Variants in GPC5 observed in about 807,000 individuals in gnomAD.
The protein encoded by GPC5 is glypican-5.
GPC5 carries 47 observed loss-of-function variants against 53.9 expected under a neutral mutation model. The observed-to-expected ratio is 0.87, with a 90% CI of 0.69 to 1.11. The LOEUF (loss-of-function observed/expected upper bound fraction) is 1.11. GPC5 is among the 50% of genes most tolerant of loss of function. The pLI is 0.00. For synonymous variants in GPC5, 286 were observed against 263.3 expected, an observed-to-expected ratio of 1.09 and a Z score of -0.84; for missense variants, 748 against 713.1, an observed-to-expected ratio of 1.05 and a Z score of -0.56.
intron 6 of GPC5, among the ~76,000 whole-genome samples, chr13:91,999,360 ACCATAATTCCATTGTC>A (rs2040534504): frequency 6.6e-6 from 1 of 152,160 alleles, no homozygotes; most frequent in African/African-American, 2.4e-5. Flanking sequence ...AAAGATGATG[ACCATAATTCCATTGTC>A]AACTTCAACC....
chr13:92,069,016 C>T (rs2041188969), intron 6 of GPC5, among the ~76,000 whole-genome samples: 1 of 151,870 alleles, frequency 6.6e-6, no homozygotes, highest in Non-Finnish European at 1.5e-5. Flanking sequence ...CTAGATCTTA[C>T]ATTTAGGTTT....
intron 6 of GPC5, among the ~76,000 whole-genome samples, chr13:91,977,988 GA>G (rs10709344): frequency 0.12 from 17,821 of 144,156 alleles, 1,402 homozygotes; most frequent in African/African-American, 0.23. Context: ...AGAAAGAAAA[GA>G]AAAAAAAAAT....
chr13:91,942,300 A>T (rs938139953), intron 6 of GPC5, among the ~76,000 whole-genome samples: 1 of 152,078 alleles, frequency 6.6e-6, no homozygotes, highest in Non-Finnish European at 1.5e-5. Flanking sequence ...TAATAGACTT[A>T]ATTCATATAT....
chr13:91,834,625 A>ACC (rs1478468954), intron 5 of GPC5, among the ~76,000 whole-genome samples: 4 of 151,998 alleles, frequency 2.6e-5, no homozygotes, highest in Non-Finnish European at 5.9e-5. Flanking sequence ...TGACAAAACT[A>ACC]ACAAAAACAA....
chr13:92,397,997 T>C (rs1875363863), intron 7 of GPC5, among the ~76,000 whole-genome samples: 1 of 152,028 alleles, frequency 6.6e-6, no homozygotes, highest in African/African-American at 2.4e-5. Flanking sequence ...CAGGGCAGAG[T>C]GAGGATCTGA....
intron 7 of GPC5, among the ~76,000 whole-genome samples, chr13:92,462,739 G>A (rs545209183): frequency 8.1e-5 from 11 of 136,298 alleles, no homozygotes; most frequent in East Asian, 6.5e-4. Flanking sequence ...TTTTTCGCCC[G>A]GAGTTTTTCT....
chr13:92,162,157 A>G (rs1190851562), intron 7 of GPC5, among the ~76,000 whole-genome samples: 1 of 151,740 alleles, frequency 6.6e-6, no homozygotes, highest in Admixed American at 6.6e-5. Flanking sequence ...TGATGCTCAC[A>G]TAAGAACATT....
rs1365968572 is a variant in GPC5 at position 92,806,890 on chromosome 13, A to G, written c.1562-59392A>G. On this transcript the variant is annotated intron_variant, in intron 7 of 7. Transcript: ENST00000377067. ...TTGCTAAAATTTTACAAGGACACACAAAGTGAACACATCCTGTTGGGGAAT... is the reference window on the plus strand; with the variant it reads ...TTGCTAAAATTTTACAAGGACACACGAAGTGAACACATCCTGTTGGGGAAT... Among the ~76,000 whole-genome samples, 3 of 152,234 alleles carry G rather than the reference A, an allele frequency of 2.0e-5. No homozygotes were observed. The East Asian group carries it at 5.8e-4, about 30-fold the overall frequency.
chr13:91,658,688 AAGCTTCCTAAGCTCTGT>A (rs2034908086), intron 2 of GPC5, among the ~76,000 whole-genome samples: 1 of 152,176 alleles, frequency 6.6e-6, no homozygotes, highest in Non-Finnish European at 1.5e-5. Flanking sequence ...ATTATTAGCT[AAGCTTCCTAAGCTCTGT>A]GGGGTCTGTC....
chr13:91,797,178 T>C (rs1325477388), intron 5 of GPC5, among the ~76,000 whole-genome samples: 1 of 152,160 alleles, frequency 6.6e-6, no homozygotes, highest in Non-Finnish European at 1.5e-5. Flanking sequence ...AGTATAGAAA[T>C]ATTACTGACC....
At chr13:92,191,932 A>G (rs1333047666) in intron 7 of GPC5, among the ~76,000 whole-genome samples, 1 of 152,206 alleles carries the variant, frequency 6.6e-6, no homozygotes, top group Non-Finnish European at 1.5e-5. Context: ...AAGTCACAGA[A>G]CATAATGAAG....
intron 5 of GPC5, among the ~76,000 whole-genome samples, chr13:91,846,993 G>A (rs563639895): frequency 4.6e-5 from 7 of 152,118 alleles, no homozygotes; most frequent in Admixed American, 1.3e-4. Flanking sequence ...GCTGAGGTGC[G>A]CGGATCACTA....
chr13:91,897,622 T>C (rs2039456767), intron 5 of GPC5, among the ~76,000 whole-genome samples: 2 of 152,122 alleles, frequency 1.3e-5, no homozygotes, highest in South Asian at 4.1e-4. Flanking sequence ...GGGCCTGACT[T>C]AAAGTCTGAA....
intron 7 of GPC5, among the ~76,000 whole-genome samples, chr13:92,533,044 A>G: frequency 6.6e-6 from 1 of 152,274 alleles, no homozygotes; most frequent in South Asian, 2.1e-4. Context: ...TGCTTTATGG[A>G]AAAAATATAT....
intron 7 of GPC5, among the ~76,000 whole-genome samples, chr13:92,225,416 T>C (rs1463432997): frequency 4.6e-5 from 7 of 152,206 alleles, no homozygotes; most frequent in Admixed American, 4.6e-4. Flanking sequence ...TGGTTTTTGA[T>C]AAGAATGCCA....
intron 7 of GPC5, among the ~76,000 whole-genome samples, chr13:92,691,432 G>T (rs1469545883): frequency 5.5e-5 from 8 of 146,552 alleles, no homozygotes; most frequent in Non-Finnish European, 1.2e-4. Context: ...GCTCGCGCAC[G>T]GTGCGCACAC....
intron 2 of GPC5, among the ~76,000 whole-genome samples, chr13:91,484,297 C>T (rs889540215): frequency 2.6e-5 from 4 of 152,096 alleles, no homozygotes; most frequent in South Asian, 4.1e-4. Flanking sequence ...ATTCCATTTT[C>T]CAAAAAATGA....
intron 2 of GPC5, among the ~76,000 whole-genome samples, chr13:91,559,955 T>C (rs938603226): frequency 6.6e-6 from 1 of 152,110 alleles, no homozygotes; most frequent in African/African-American, 2.4e-5. Context: ...TGGGGAACAT[T>C]GTAAGAATAG....
intron 6 of GPC5, among the ~76,000 whole-genome samples, chr13:92,105,327 G>A (rs549956858): frequency 1.4e-4 from 21 of 152,152 alleles, no homozygotes; most frequent in Admixed American, 4.6e-4. Context: ...GAATAGAGAC[G>A]TCTACTTATT....
Sources: gnomAD v4.1 joint callset for allele counts (sites outside exome capture counted in the v4.1 genomes callset) on GRCh38, gnomAD v4.1.1 for gene constraint, MANE v1.5 for transcripts, NCBI Gene and HGNC (gene_info 2026-07-23, HGNC 2026-07-21) for gene names.